Variants in LANCL1 observed in about 807,000 individuals in gnomAD.
LANCL1 encodes glutathione S-transferase LANCL1.
In LANCL1, 50 loss-of-function variants were observed where a neutral mutation model predicts 50.6. The observed-to-expected ratio is 0.99, with a 90% CI of 0.79 to 1.25. The LOEUF (loss-of-function observed/expected upper bound fraction) is 1.25. Ranked by LOEUF, LANCL1 falls within the 50% of genes most tolerant of loss-of-function variation. The probability of loss-of-function intolerance (pLI) is 0.00; values close to 1 mark genes in which losing one functional copy is unlikely to be tolerated. For synonymous variants in LANCL1, 188 were observed against 178.6 expected, an observed-to-expected ratio of 1.05 and a Z score of -0.42; for missense variants, 532 against 480.7, an observed-to-expected ratio of 1.11 and a Z score of -1.00.
At chr2:210,467,244 A>G (rs1694093249) in intron 3 of LANCL1, among the ~76,000 whole-genome samples, 3 of 152,226 alleles carry the variant, frequency 2.0e-5, no homozygotes, top group Non-Finnish European at 2.9e-5. Context: ...AAGAATTGCC[A>G]ACGTACAGAT....
At chr2:210,456,990 G>T (rs2105910861) in intron 3 of LANCL1, among the ~76,000 whole-genome samples, 1 of 152,252 alleles carries the variant, frequency 6.6e-6, no homozygotes, top group African/African-American at 2.4e-5. Context: ...AGTACATTTG[G>T]ATTAAAACTT....
rs373538841 is a variant in LANCL1, at chr2:210,436,358, T to G, written c.908A>C (p.Tyr303Ser). Reference sequence around the variant, plus strand: ...TTGCCAGATCACATCAGCACACTGATAGGCATCACAGAGATACTTTTCCTC... The same window carrying G: ...TTGCCAGATCACATCAGCACACTGAGAGGCATCACAGAGATACTTTTCCTC... ...FREEKYLCDA[Y>S]QCADVIWQYG... The change falls in exon 8 of 10, where the codon TAT (tyrosine) becomes TCT (serine). Residue 303 changes from tyrosine (Y) to serine (S), a missense_variant. Transcript: ENST00000450366. The G allele has an allele frequency of 6.2e-6, 10 of 1,614,086 alleles. No homozygotes were observed. The highest frequency in any genetic ancestry group is 7.6e-6 in the Non-Finnish European group (9 of 1,179,976).
At chr2:210,465,810 C>T (rs1238586397) in intron 3 of LANCL1, among the ~76,000 whole-genome samples, 3 of 152,094 alleles carry the variant, frequency 2.0e-5, no homozygotes, top group African/African-American at 4.8e-5. Context: ...GAAGAAAAAT[C>T]GAGGAGAAAG....
intron 4 of LANCL1, among the ~76,000 whole-genome samples, chr2:210,449,849 C>T (rs960711543): frequency 6.6e-6 from 1 of 152,136 alleles, no homozygotes; most frequent in Non-Finnish European, 1.5e-5. Context: ...ACAGAGGACA[C>T]AAACAAATGG....
Position 210,452,232 on chromosome 2 carries a change from T to TA in LANCL1, c.407+2874dup, listed in dbSNP as rs34667709. On this transcript the variant is annotated intron_variant, in intron 4 of 9. Coordinates refer to ENST00000450366, the MANE Select transcript of LANCL1 (RefSeq NM_006055.3). ...ATTTTTAAATCCCTTTTCTGCTTATTAAAAAAAAAAAAAAGATGTCCATTA... is the reference window on the plus strand; with the variant it reads ...ATTTTTAAATCCCTTTTCTGCTTATTAAAAAAAAAAAAAAAGATGTCCATTA... Among the ~76,000 whole-genome samples the TA allele has an allele frequency of 7.9e-4, 112 of 141,942 alleles. 1 individual carries two copies. The highest frequency in any genetic ancestry group is 1.0e-3 in the East Asian group (5 of 4,926). The allele number at this position is 141,942 out of a possible 152,430, so 93.1% of individuals were successfully genotyped here.
chr2:210,455,032 T>A, intron 4 of LANCL1, 75 bp downstream of exon 4: 1 of 1,225,360 alleles, frequency 8.2e-7, no homozygotes, highest in South Asian at 1.3e-5. Context: ...CTCACTAGAA[T>A]GTTCTTTTGT....
chr2:210,443,944 T>C (rs1174035678), intron 4 of LANCL1, among the ~76,000 whole-genome samples: 2 of 152,186 alleles, frequency 1.3e-5, no homozygotes, highest in Non-Finnish European at 2.9e-5. Context: ...GCTTTCCCAC[T>C]CTTTGATGAA....
intron 4 of LANCL1, among the ~76,000 whole-genome samples, chr2:210,451,603 T>C (rs1412953495): frequency 6.6e-6 from 1 of 152,188 alleles, no homozygotes; most frequent in Non-Finnish European, 1.5e-5. Flanking sequence ...CTCAAATAAA[T>C]AATCTGCACA....
intron 4 of LANCL1, among the ~76,000 whole-genome samples, chr2:210,454,608 CAATT>C (rs149479221): frequency 0.017 from 2,523 of 152,256 alleles, 52 homozygotes; most frequent in Middle Eastern, 0.054. Flanking sequence ...GGTAAGGCAA[CAATT>C]AAAGTCTATT....
At chr2:210,446,985 T>G (rs1235009504) in intron 4 of LANCL1, among the ~76,000 whole-genome samples, 3 of 152,010 alleles carry the variant, frequency 2.0e-5, no homozygotes, top group Non-Finnish European at 2.9e-5. Flanking sequence ...AACATTCACA[T>G]TCAGGAAACA....
chr2:210,435,453 C>T lies in LANCL1; in HGVS notation c.1057G>A (p.Glu353Lys). The change falls in exon 9 of 10, where the codon GAA (glutamate) becomes AAA (lysine). Residue 353 changes from glutamate (E) to lysine (K), a missense_variant. Transcript: ENST00000450366. ...TGTTCTCCATACTCTAAGCACCATT[C>T]AGCAAACTGAAAATGAGACCAAGTT... ...KYLYRACKFA[E>K]WCLEYGEHGC... 3 of 1,613,118 alleles carry T rather than the reference C, an allele frequency of 1.9e-6. No individual in the cohort carries two copies. Among genetic ancestry groups the T allele is most frequent in the Non-Finnish European group, 2.5e-6 (3 of 1,179,204 alleles).
intron 3 of LANCL1, among the ~76,000 whole-genome samples, chr2:210,461,831 C>G (rs947051274): frequency 1.3e-5 from 2 of 151,892 alleles, no homozygotes; most frequent in African/African-American, 2.4e-5. Context: ...GAAATAAGGG[C>G]TAGCATTTTC....
At chr2:210,459,823 G>C (rs548779807) in intron 3 of LANCL1, among the ~76,000 whole-genome samples, 1 of 151,456 alleles carries the variant, frequency 6.6e-6, no homozygotes, top group African/African-American at 2.4e-5. Context: ...ATCAGTCCTG[G>C]CTTCAGCACG....
intron 4 of LANCL1, among the ~76,000 whole-genome samples, chr2:210,446,794 A>C (rs529589585): frequency 6.6e-6 from 1 of 152,206 alleles, no homozygotes; most frequent in Non-Finnish European, 1.5e-5. Flanking sequence ...AAGCATGAAG[A>C]CAAGGTTAGA....
At chr2:210,462,465 T>A (rs1337488637) in intron 3 of LANCL1, among the ~76,000 whole-genome samples, 1 of 152,194 alleles carries the variant, frequency 6.6e-6, no homozygotes, top group Non-Finnish European at 1.5e-5. Context: ...TGAAAAGAAC[T>A]GAGGCTGTTC....
At chr2:210,472,222 TAAA>T (rs1694247789) in intron 2 of LANCL1, 146 bp from the exon 3 acceptor site, 2 of 587,526 alleles carry the variant, frequency 3.4e-6, no homozygotes, top group East Asian at 5.5e-5. Flanking sequence ...TTTCTATTCT[TAAA>T]CAACAACATC....
rs980649959 is a variant in LANCL1 at position 210,441,388 on chromosome 2, G to A, written c.463C>T (p.Arg155Ter). Residue 155 changes from arginine to a stop codon, truncating the protein, a stop_gained, in exon 5 of 10, where the codon CGA becomes TGA. Transcript: ENST00000450366. LOFTEE classifies it high-confidence loss of function. ...AGAAGAGCATAGATGTAGCCTATTCGCCCATAGAGCATTTCATTTGGAGCA... is the reference window on the plus strand; with the variant it reads ...AGAAGAGCATAGATGTAGCCTATTCACCCATAGAGCATTTCATTTGGAGCA... ...PHAPNEMLYG[R>*]IGYIYALLFV... The A allele has an allele frequency of 3.7e-6, 6 of 1,611,708 alleles. No homozygotes were observed. The highest frequency in any genetic ancestry group is 2.2e-5 in the East Asian group (1 of 44,854).
intron 3 of LANCL1, among the ~76,000 whole-genome samples, chr2:210,463,988 C>A (rs996809756): frequency 6.6e-5 from 10 of 152,194 alleles, no homozygotes; most frequent in African/African-American, 2.2e-4. Flanking sequence ...CTATTTCATA[C>A]CCTCTGCTTC....
chr2:210,471,460 C>T (rs1694221905), intron 3 of LANCL1: 3 of 381,286 alleles, frequency 7.9e-6, no homozygotes, highest in East Asian at 7.3e-5. Flanking sequence ...GCAAACCAAA[C>T]AGCAATGACC....
Sources: gnomAD v4.1 joint callset for allele counts (sites outside exome capture counted in the v4.1 genomes callset) on GRCh38, gnomAD v4.1.1 for gene constraint, MANE v1.5 for transcripts, NCBI Gene and HGNC (gene_info 2026-07-23, HGNC 2026-07-21) for gene names.